PRKCA: variants seen among roughly 807,000 people sequenced by gnomAD.
PRKCA encodes the protein protein kinase C alpha type.
Under a neutral mutation model 87.0 loss-of-function variants are expected in PRKCA, and 27 were observed. The ratio of observed to expected loss-of-function variants is 0.31; its 90% CI spans 0.23 to 0.43. The LOEUF (loss-of-function observed/expected upper bound fraction) is 0.43. Ranked by LOEUF, PRKCA falls within the 20% of genes least tolerant of loss-of-function variation. The probability of loss-of-function intolerance (pLI) is 1.00; values close to 1 mark genes in which losing one functional copy is unlikely to be tolerated. For synonymous variants in PRKCA, 329 were observed against 311.1 expected (o/e 1.06, Z -0.61); for missense variants, 518 against 852.3 (o/e 0.61, Z 4.88).
At chr17:66,760,168 A>G (rs1208673373) in intron 13 of PRKCA, among the ~76,000 whole-genome samples, 1 of 152,232 alleles carries the variant, frequency 6.6e-6, no homozygotes, top group Non-Finnish European at 1.5e-5. Flanking sequence ...GCTGTAAAAC[A>G]CACCTTAACA....
At chr17:66,564,046 C>T (rs1312373996) in intron 3 of PRKCA, among the ~76,000 whole-genome samples, 2 of 148,920 alleles carry the variant, frequency 1.3e-5, no homozygotes, top group African/African-American at 5.0e-5. Context: ...CTCTTCCTTC[C>T]TTTCTTCCTT....
At chr17:66,688,660 A>C (rs1273851754) in intron 7 of PRKCA, among the ~76,000 whole-genome samples, 1 of 151,974 alleles carries the variant, frequency 6.6e-6, no homozygotes, top group East Asian at 1.9e-4. Flanking sequence ...AAAATTAGCC[A>C]GGTGTGGTGG....
intron 3 of PRKCA, among the ~76,000 whole-genome samples, chr17:66,636,322 C>T (rs756671743): frequency 5.3e-4 from 80 of 152,236 alleles, no homozygotes; most frequent in South Asian, 2.1e-4. Context: ...CATGCTCCTG[C>T]ATCCCATTGC....
chr17:66,367,941 C>T (rs1204603109), intron 2 of PRKCA, among the ~76,000 whole-genome samples: 2 of 152,136 alleles, frequency 1.3e-5, no homozygotes, highest in Non-Finnish European at 2.9e-5. Context: ...ACAATGAATT[C>T]CCTGTGTTTA....
At chr17:66,726,860 G>GA (rs1973764313) in intron 8 of PRKCA, among the ~76,000 whole-genome samples, 1 of 152,034 alleles carries the variant, frequency 6.6e-6, no homozygotes, top group Non-Finnish European at 1.5e-5. Context: ...AAGTAGCTGG[G>GA]ACTACAGGCG....
intron 2 of PRKCA, among the ~76,000 whole-genome samples, chr17:66,455,405 G>A (rs772431322): frequency 6.6e-6 from 1 of 152,164 alleles, no homozygotes; most frequent in African/African-American, 2.4e-5. Flanking sequence ...TGTTGATGCT[G>A]TGAGAAGAAA....
At chr17:66,368,642 C>T (rs1369022278) in intron 2 of PRKCA, among the ~76,000 whole-genome samples, 3 of 151,568 alleles carry the variant, frequency 2.0e-5, no homozygotes, top group African/African-American at 7.3e-5. Context: ...TCTGCCCACC[C>T]CAGCCTCCCA....
chr17:66,772,726 G>A (rs1054565459), intron 13 of PRKCA, among the ~76,000 whole-genome samples: 4 of 152,122 alleles, frequency 2.6e-5, no homozygotes, highest in East Asian at 1.9e-4. Flanking sequence ...TCCCTTCCAC[G>A]AAGGGAGGTT....
At chr17:66,790,813 T>C (rs910294308) in intron 16 of PRKCA, among the ~76,000 whole-genome samples, 1 of 152,022 alleles carries the variant, frequency 6.6e-6, no homozygotes, top group Admixed American at 6.5e-5. Flanking sequence ...TTGTGGATAC[T>C]CGGCCCTAAG....
intron 3 of PRKCA, among the ~76,000 whole-genome samples, chr17:66,615,639 G>A (rs996763252): frequency 4.6e-5 from 7 of 152,160 alleles, no homozygotes; most frequent in African/African-American, 1.7e-4. Context: ...TGTGCCCTGG[G>A]AGGGTGAAAC....
chr17:66,344,309 C>T (rs1478413124), intron 2 of PRKCA, among the ~76,000 whole-genome samples: 1 of 152,152 alleles, frequency 6.6e-6, no homozygotes, highest in Non-Finnish European at 1.5e-5. Context: ...TGTACTATTT[C>T]TTGGCTTTAT....
At chr17:66,504,973 C>T (rs1916908932) in intron 3 of PRKCA, among the ~76,000 whole-genome samples, 1 of 152,114 alleles carries the variant, frequency 6.6e-6, no homozygotes, top group Non-Finnish European at 1.5e-5. Flanking sequence ...TGAGGAAGCC[C>T]GAGTCCATTT....
intron 16 of PRKCA, among the ~76,000 whole-genome samples, chr17:66,796,115 T>C (rs1474345587): frequency 6.6e-6 from 1 of 152,204 alleles, no homozygotes; most frequent in Non-Finnish European, 1.5e-5. Flanking sequence ...AAATTACTAT[T>C]AACATGCTCT....
intron 2 of PRKCA, among the ~76,000 whole-genome samples, chr17:66,344,447 G>C (rs976217410): frequency 6.6e-6 from 1 of 152,146 alleles, no homozygotes. Context: ...CTTGAGCTCA[G>C]GAGCTTGAGA....
chr17:66,757,160 T>G (rs1219345871), intron 13 of PRKCA, among the ~76,000 whole-genome samples: 1 of 148,494 alleles, frequency 6.7e-6, no homozygotes, highest in Non-Finnish European at 1.5e-5. Flanking sequence ...CACAGCTGAG[T>G]CTGGGGTGAC....
intron 2 of PRKCA, among the ~76,000 whole-genome samples, chr17:66,424,025 G>A (rs947573949): frequency 6.6e-5 from 10 of 152,134 alleles, no homozygotes; most frequent in Non-Finnish European, 1.0e-4. Context: ...TGCTGTCTTA[G>A]CAGAAGTGTA....
At chr17:66,540,519 G>A (rs1278637436) in intron 3 of PRKCA, among the ~76,000 whole-genome samples, 2 of 152,204 alleles carry the variant, frequency 1.3e-5, no homozygotes, top group African/African-American at 2.4e-5. Flanking sequence ...GTTGGGTGGC[G>A]GGCTGCCGTG....
chr17:66,582,988 TACC>T (rs1165048265), intron 3 of PRKCA, among the ~76,000 whole-genome samples: 115 of 152,308 alleles, frequency 7.6e-4, no homozygotes, highest in African/African-American at 2.6e-3. Flanking sequence ...ACGTGTTACT[TACC>T]CTCTCTGTTC....
At chr17:66,580,211 G>A (rs1371533487) in intron 3 of PRKCA, among the ~76,000 whole-genome samples, 1 of 152,320 alleles carries the variant, frequency 6.6e-6, no homozygotes, top group South Asian at 2.1e-4. Context: ...GAGTACTAGT[G>A]GTCTGTTATT....
Sources: gnomAD v4.1 joint callset for allele counts (sites outside exome capture counted in the v4.1 genomes callset) on GRCh38, gnomAD v4.1.1 for gene constraint, MANE v1.5 for transcripts, NCBI Gene and HGNC (gene_info 2026-07-23, HGNC 2026-07-21) for gene names.